UTRN: variants seen among roughly 807,000 people sequenced by gnomAD.
The protein encoded by UTRN is dystrophin-related protein 1.
A neutral mutation model predicts 463.9 loss-of-function variants in UTRN; 283 were observed. The ratio of observed to expected loss-of-function variants is 0.61; its 90% confidence interval spans 0.55 to 0.67. The LOEUF (loss-of-function observed/expected upper bound fraction) is 0.67. Ranked by LOEUF, UTRN falls within the 30% of genes least tolerant of loss-of-function variation. The pLI is 0.00. For synonymous variants in UTRN, 1,442 were observed against 1,431.5 expected (o/e 1.01, Z -0.17); for missense variants, 3,922 against 4,084.3 (o/e 0.96, Z 1.08).
At chr6:144,571,745 G>T (rs1800960481) in intron 50 of UTRN, among the ~76,000 whole-genome samples, 1 of 152,108 alleles carries the variant, frequency 6.6e-6, no homozygotes, top group South Asian at 2.1e-4. Flanking sequence ...ATTAATAATT[G>T]CCTTATTTTT....
intron 3 of UTRN, 130 bp downstream of exon 3, chr6:144,403,314 T>C: frequency 1.3e-6 from 1 of 754,900 alleles, no homozygotes; most frequent in East Asian, 2.7e-5. Flanking sequence ...TGCAGATACA[T>C]TTGTTGTTCC....
At chr6:144,356,733 A>G (rs966852780) in intron 2 of UTRN, among the ~76,000 whole-genome samples, 1 of 152,116 alleles carries the variant, frequency 6.6e-6, no homozygotes, top group Non-Finnish European at 1.5e-5. Context: ...GAATCACTTG[A>G]ATCTGGGAGG....
intron 51 of UTRN, among the ~76,000 whole-genome samples, chr6:144,656,659 T>A (rs1779342690): frequency 6.6e-6 from 1 of 152,196 alleles, no homozygotes; most frequent in Admixed American, 6.5e-5. Flanking sequence ...CAACTCACAT[T>A]TACAAGTCTT....
At chr6:144,506,693 T>C (rs919934277) in intron 34 of UTRN, among the ~76,000 whole-genome samples, 2 of 152,214 alleles carry the variant, frequency 1.3e-5, no homozygotes, top group African/African-American at 4.8e-5. Context: ...GCCCTTAACA[T>C]TTTTTCCTTC....
At chr6:144,374,833 G>T (rs1340731361) in intron 2 of UTRN, among the ~76,000 whole-genome samples, 2 of 150,916 alleles carry the variant, frequency 1.3e-5, no homozygotes, top group East Asian at 2.0e-4. Context: ...GTAATCCCAG[G>T]TACTTGGGTG....
rs947850025 is a variant in UTRN, at chr6:144,403,173, C to A, written c.130C>A (p.Arg44=). 2 of 1,613,104 alleles carry A rather than the reference C, an allele frequency of 1.2e-6. No homozygotes were observed. Among genetic ancestry groups the A allele is most frequent in the African/African-American group, 2.7e-5 (2 of 74,924 alleles). Reference sequence around the variant, plus strand: ...AACCTTTACCAAATGGATAAATGCTCGATTTTCAAAGGTAACTGAGACTTT... The same window carrying A: ...AACCTTTACCAAATGGATAAATGCTAGATTTTCAAAGGTAACTGAGACTTT... ...KKTFTKWINA[R]FSKSGKPPIN... is the part of the protein sequence containing the mutation. Residue 44 remains arginine, a synonymous_variant, in exon 3 of 75, where the codon CGA becomes AGA. Transcript: ENST00000367545.
chr6:144,784,160 A>T (rs1776098884), intron 61 of UTRN, among the ~76,000 whole-genome samples: 1 of 152,228 alleles, frequency 6.6e-6, no homozygotes, highest in Non-Finnish European at 1.5e-5. Flanking sequence ...AATATGGTAG[A>T]GGTATACATC....
At chr6:144,450,633 A>G (rs182760404) in intron 17 of UTRN, among the ~76,000 whole-genome samples, 228 of 152,346 alleles carry the variant, frequency 1.5e-3, no homozygotes, top group African/African-American at 5.3e-3. Flanking sequence ...TTTCATATCA[A>G]GAGCCCAGCC....
chr6:144,576,800 G>A (rs1229975155), intron 50 of UTRN, among the ~76,000 whole-genome samples: 1 of 152,058 alleles, frequency 6.6e-6, no homozygotes, highest in East Asian at 1.9e-4. Context: ...ACAACATATG[G>A]GGGAATAATT....
At chr6:144,675,636 G>A (rs1781514462) in intron 51 of UTRN, among the ~76,000 whole-genome samples, 3 of 152,172 alleles carry the variant, frequency 2.0e-5, no homozygotes, top group Admixed American at 2.0e-4. Flanking sequence ...AGTAGTAGAA[G>A]GATGGTATAA....
chr6:144,371,299 A>G (rs1055031920), intron 2 of UTRN, among the ~76,000 whole-genome samples: 3 of 152,198 alleles, frequency 2.0e-5, no homozygotes, highest in East Asian at 3.8e-4. Context: ...CCATGCCAGT[A>G]TTAGTAGATC....
intron 49 of UTRN, among the ~76,000 whole-genome samples, chr6:144,556,314 A>C (rs1352262579): frequency 6.6e-6 from 1 of 152,230 alleles, no homozygotes; most frequent in South Asian, 2.1e-4. Flanking sequence ...GCATTTCTGG[A>C]TCATTCTGTG....
intron 51 of UTRN, among the ~76,000 whole-genome samples, chr6:144,583,008 C>G (rs923006477): frequency 6.6e-6 from 1 of 152,156 alleles, no homozygotes. Context: ...GAACATATCC[C>G]TCTTTAGAGA....
chr6:144,426,508 TC>T (rs1785307276), intron 7 of UTRN, 49 bp downstream of exon 7: 2 of 1,540,132 alleles, frequency 1.3e-6, no homozygotes, highest in African/African-American at 2.8e-5. Flanking sequence ...TCATGTCTCC[TC>T]TCTGTCCCTT....
Position 144,286,789 on chromosome 6 carries a change from G to A in UTRN, c.-93+968G>A, listed in dbSNP as rs954869790. On this transcript the variant is annotated intron_variant, in intron 1 of 74. Coordinates refer to ENST00000367545, the MANE Select transcript of UTRN (RefSeq NM_007124.3). The surrounding 1 kb of genome is among the most constrained non-coding windows in gnomAD (Gnocchi z 4.4). Reference sequence around the variant, plus strand: ...TGCCCGACCTCCGAGAGAGCTGTGGGACCAGCACTTTATTTTACAAGGAAC... The same window carrying A: ...TGCCCGACCTCCGAGAGAGCTGTGGAACCAGCACTTTATTTTACAAGGAAC... 1.3e-5 allele frequency among the ~76,000 whole-genome samples: 2 copies of A among 152,006 alleles called. No homozygotes were observed. The highest frequency in any genetic ancestry group is 2.9e-5 in the Non-Finnish European group (2 of 67,984).
chr6:144,572,395 T>G (rs1024500685), intron 50 of UTRN, among the ~76,000 whole-genome samples: 1 of 152,084 alleles, frequency 6.6e-6, no homozygotes, highest in African/African-American at 2.4e-5. Context: ...TTAAAAAAAT[T>G]TTTACTTTAA....
intron 51 of UTRN, among the ~76,000 whole-genome samples, chr6:144,658,385 A>G (rs892286716): frequency 3.3e-5 from 5 of 152,204 alleles, no homozygotes; most frequent in Admixed American, 2.0e-4. Context: ...AATCCAAAAA[A>G]TAATACCAAC....
chr6:144,372,517 T>TG (rs1376807989), intron 2 of UTRN, among the ~76,000 whole-genome samples: 8 of 152,170 alleles, frequency 5.3e-5, no homozygotes, highest in African/African-American at 1.7e-4. Flanking sequence ...TTTTTTGAGA[T>TG]GGAGTCTTGC....
intron 46 of UTRN, 41 bp downstream of exon 46, chr6:144,542,911 A>G: frequency 6.4e-7 from 1 of 1,555,318 alleles, no homozygotes; most frequent in Non-Finnish European, 8.7e-7. Flanking sequence ...TTAAAAAATC[A>G]GTATGTAAAA....
Sources: allele counts gnomAD v4.1 joint callset (sites outside exome capture counted in the v4.1 genomes callset), GRCh38; gene constraint gnomAD v4.1.1; non-coding constraint Gnocchi (gnomAD v3.1); transcripts MANE v1.5; gene names NCBI Gene and HGNC (gene_info 2026-07-23, HGNC 2026-07-21).